CCDC158: variants seen among roughly 807,000 people sequenced by gnomAD.
CCDC158 encodes the protein coiled-coil domain-containing protein 158.
CCDC158 carries 116 observed loss-of-function variants against 138.6 expected under a neutral mutation model. That is an observed-to-expected ratio of 0.84 (90% CI 0.72 to 0.98). The LOEUF (loss-of-function observed/expected upper bound fraction) is 0.98, where lower values mean the gene tolerates loss of function less well. CCDC158 is among the 50% of genes least tolerant of loss of function. The pLI, the probability that CCDC158 is intolerant of heterozygous loss-of-function variation, is 0.00. For missense variants in CCDC158, 1,265 were observed against 1,306.1 expected (o/e 0.97, Z 0.48); for synonymous variants, 436 against 442.4 (o/e 0.99, Z 0.18).
intron 24 of CCDC158, among the ~76,000 whole-genome samples, chr4:76,322,973 T>G (rs1254056282): frequency 6.6e-6 from 1 of 152,208 alleles, no homozygotes; most frequent in Non-Finnish European, 1.5e-5. Context: ...AATGTTTATC[T>G]ATAGACCTAA....
chr4:76,343,292 A>G (rs567579643), intron 18 of CCDC158, among the ~76,000 whole-genome samples: 52 of 152,312 alleles, frequency 3.4e-4, no homozygotes, highest in African/African-American at 1.1e-3. Context: ...GGGTCCTTCA[A>G]TAAAAAAGCA....
chr4:76,388,872 A>G (rs774266414), intron 4 of CCDC158, among the ~76,000 whole-genome samples: 19 of 152,216 alleles, frequency 1.2e-4, no homozygotes, highest in Non-Finnish European at 2.1e-4. Flanking sequence ...CTGGTAATCC[A>G]GAGAATTCTT....
chr4:76,353,035 G>A (rs1038468814), intron 16 of CCDC158, 88 bp downstream of exon 16: 2 of 1,074,258 alleles, frequency 1.9e-6, no homozygotes, highest in Non-Finnish European at 2.7e-6. Context: ...TTCAGTTCCT[G>A]TCTACATAGA....
At position 76,367,632 on chromosome 4, in the gene CCDC158, T is replaced by C; in HGVS notation, c.1492A>G (p.Ile498Val). Residue 498 changes from isoleucine (I) to valine (V), a missense_variant, in exon 12 of 25, where the codon ATA becomes GTA. Physicochemically the swap from Ile to Val is conservative, Grantham distance 29. Coordinates refer to ENST00000682701, the MANE Select transcript of CCDC158 (RefSeq NM_001394954.1). Reference protein sequence around the residue: ...KMTLESSERTISDLTTSLQEK... With the variant: ...KMTLESSERTVSDLTTSLQEK... ...TGGAGAGAAGTTGTCAGGTCCGATA[T>C]TGTCCTCTCTGAGCTCTCCAGAGTC... is the stretch of plus-strand genomic sequence containing the variant. 6.2e-7 allele frequency: 1 copy of C among 1,614,064 alleles called. No individual in the cohort carries two copies. The highest frequency in any genetic ancestry group is 8.5e-7 in the Non-Finnish European group (1 of 1,179,884).
chr4:76,413,363 T>A (rs1358156041), intron 1 of CCDC158, among the ~76,000 whole-genome samples: 1 of 149,968 alleles, frequency 6.7e-6, no homozygotes, highest in East Asian at 2.0e-4. Context: ...TAGTCCCAGC[T>A]CCTCAGGAGG....
chr4:76,330,130 A>G (rs902167029), intron 21 of CCDC158, among the ~76,000 whole-genome samples: 3 of 152,146 alleles, frequency 2.0e-5, no homozygotes, highest in Non-Finnish European at 4.4e-5. Context: ...AGTAGCTTCT[A>G]TTTGTCCCAT....
At position 76,382,729 on chromosome 4, in the gene CCDC158, A is replaced by G. The variant is rs1726389412; in HGVS notation, c.804-9T>C. The G allele has an allele frequency of 6.4e-7, 1 of 1,550,760 alleles. No individual in the cohort carries two copies. Among genetic ancestry groups the G allele is most frequent in the Middle Eastern group, 1.7e-4 (1 of 5,942 alleles). On this transcript the variant is annotated splice_polypyrimidine_tract_variant and intron_variant, in intron 7 of 24. Transcript: ENST00000682701. ...TTATTAACTGCTCAATCCTATAAAA[A>G]GAATGTGGTGATTGTCATTTGATAC...
At chr4:76,379,990 C>T (rs1726084012) in intron 8 of CCDC158, among the ~76,000 whole-genome samples, 2 of 152,088 alleles carry the variant, frequency 1.3e-5, no homozygotes, top group Non-Finnish European at 2.9e-5. Context: ...GTTTGCTTTC[C>T]CCATGATTGT....
At chr4:76,394,078 T>G (rs1485554753) in intron 4 of CCDC158, among the ~76,000 whole-genome samples, 1 of 152,070 alleles carries the variant, frequency 6.6e-6, no homozygotes, top group African/African-American at 2.4e-5. Context: ...TGGAGGTCTC[T>G]CAAAAAACTA....
rs548575049 is a variant in CCDC158, at chr4:76,369,139, C to T, written c.1347+287G>A. ...CTGAGGTAGGAGAATTGCTTGAATC[C>T]GGGAGGTGGAGGTTGCAGTGAGCCG... On this transcript the variant is annotated intron_variant, in intron 11 of 24. Transcript: ENST00000682701. Among the ~76,000 whole-genome samples, 317 of 152,164 alleles carry T rather than the reference C, an allele frequency of 2.1e-3. 1 individual carries two copies. The highest frequency in any genetic ancestry group is 4.6e-3 in the South Asian group (22 of 4,828).
intron 2 of CCDC158, among the ~76,000 whole-genome samples, chr4:76,404,968 A>G (rs1012192278): frequency 7.9e-5 from 12 of 152,234 alleles, no homozygotes; most frequent in African/African-American, 2.9e-4. Context: ...AAGGAAAAAC[A>G]TGAAACAGAA....
intron 24 of CCDC158, 67 bp downstream of exon 24, chr4:76,323,235 C>T (rs1720203200): frequency 2.6e-6 from 3 of 1,162,526 alleles, no homozygotes; most frequent in Non-Finnish European, 3.8e-6. Context: ...AGACAGGAGG[C>T]TTAATCTGAA....
intron 8 of CCDC158, among the ~76,000 whole-genome samples, chr4:76,382,229 TTC>T (rs1480997164): frequency 1.3e-5 from 2 of 152,134 alleles, no homozygotes; most frequent in Admixed American, 1.3e-4. Context: ...CCCCTTTGTT[TTC>T]TGTCATAATT....
At chr4:76,335,971 G>A (rs1487323769) in intron 18 of CCDC158, among the ~76,000 whole-genome samples, 1 of 151,672 alleles carries the variant, frequency 6.6e-6, no homozygotes, top group East Asian at 1.9e-4. Context: ...CACGAGGTCA[G>A]GAGATTGAGA....
chr4:76,321,809 T>C (rs1396061041), intron 24 of CCDC158, among the ~76,000 whole-genome samples: 3 of 148,156 alleles, frequency 2.0e-5, no homozygotes, highest in African/African-American at 7.4e-5. Flanking sequence ...ATACACACCA[T>C]GTAATACTAC....
intron 15 of CCDC158, 40 bp from the exon 16 acceptor site, chr4:76,353,321 T>C: frequency 2.7e-6 from 4 of 1,470,972 alleles, no homozygotes; most frequent in Non-Finnish European, 2.8e-6. Flanking sequence ...AATAACCTGT[T>C]GATGTAGATG....
At chr4:76,359,398 T>G (rs1029585758) in intron 13 of CCDC158, among the ~76,000 whole-genome samples, 2 of 152,122 alleles carry the variant, frequency 1.3e-5, no homozygotes, top group Admixed American at 1.3e-4. Context: ...TGTAACAGTT[T>G]GGAGAGATCA....
At chr4:76,412,803 C>T (rs1042638346) in intron 1 of CCDC158, among the ~76,000 whole-genome samples, 1 of 152,136 alleles carries the variant, frequency 6.6e-6, no homozygotes, top group African/African-American at 2.4e-5. Context: ...GTTTTTACAA[C>T]AAAATGTGTT....
chr4:76,333,876 A>G (rs1721221493), intron 19 of CCDC158, 134 bp downstream of exon 19: 2 of 528,378 alleles, frequency 3.8e-6, no homozygotes, highest in Admixed American at 3.6e-5. Context: ...TTTTCATATT[A>G]TTTTCTGTGG....
Sources: allele counts gnomAD v4.1 joint callset (sites outside exome capture counted in the v4.1 genomes callset), GRCh38; gene constraint gnomAD v4.1.1; transcripts MANE v1.5; gene names NCBI Gene and HGNC (gene_info 2026-07-23, HGNC 2026-07-21).